ARHGEF10L: variants seen among roughly 807,000 people sequenced by gnomAD.
ARHGEF10L encodes rho guanine nucleotide exchange factor 10-like protein.
A neutral mutation model predicts 141.2 loss-of-function variants in ARHGEF10L; 69 were observed. That is an observed-to-expected ratio of 0.49 (90% CI 0.40 to 0.60). The LOEUF (loss-of-function observed/expected upper bound fraction) is 0.60, where lower values mean the gene tolerates loss of function less well. Ranked by LOEUF, ARHGEF10L falls within the 20% of genes least tolerant of loss-of-function variation. The pLI, the probability that ARHGEF10L is intolerant of heterozygous loss-of-function variation, is 0.00. For missense variants in ARHGEF10L, 1,482 were observed against 1,734.3 expected (o/e 0.85, Z 2.58); for synonymous variants, 711 against 718.5 (o/e 0.99, Z 0.17).
intron 1 of ARHGEF10L, among the ~76,000 whole-genome samples, chr1:17,562,166 G>T (rs1343333257): frequency 2.0e-5 from 3 of 152,222 alleles, no homozygotes; most frequent in Admixed American, 2.0e-4. Context: ...TGTAATCCCA[G>T]CACTTTGGGA....
chr1:17,523,302 T>A, the ARHGEF10L span, among the ~76,000 whole-genome samples: 18 of 152,240 alleles, frequency 1.2e-4, no homozygotes, highest in East Asian at 2.7e-3. Flanking sequence ...TTGGCCAGGC[T>A]GGTCTCGAAC....
intron 26 of ARHGEF10L, among the ~76,000 whole-genome samples, chr1:17,678,565 A>G (rs112846727): frequency 0.028 from 4,208 of 152,052 alleles, 178 homozygotes; most frequent in African/African-American, 0.087. Context: ...GATTACAGGC[A>G]TGCGCCACCA....
At chr1:17,664,856 C>CT (rs1326098309) in intron 26 of ARHGEF10L, among the ~76,000 whole-genome samples, 2 of 152,346 alleles carry the variant, frequency 1.3e-5, no homozygotes, top group African/African-American at 4.8e-5. Context: ...GTGTCGGTTG[C>CT]TGCCTGTGGA....
intron 26 of ARHGEF10L, among the ~76,000 whole-genome samples, chr1:17,667,078 C>G (rs927144959): frequency 6.6e-6 from 1 of 152,216 alleles, no homozygotes; most frequent in Non-Finnish European, 1.5e-5. Flanking sequence ...GACTGCTCTG[C>G]AAGCGGTCTC....
intron 6 of ARHGEF10L, chr1:17,604,919 G>A (rs2081033879): frequency 6.6e-6 from 1 of 152,318 alleles, no homozygotes; most frequent in Non-Finnish European, 1.5e-5. Context: ...CAGGGTCTGG[G>A]AGGATGTGGC....
In ARHGEF10L at chr1:17,602,168, C is replaced by G. The variant is rs1310542605; in HGVS notation, c.299C>G (p.Ala100Gly). 1 of 1,583,716 alleles carries G rather than the reference C, an allele frequency of 6.3e-7. No individual in the cohort carries two copies. The highest frequency in any genetic ancestry group is 2.3e-5 in the East Asian group (1 of 43,160). Residue 100 changes from alanine to glycine, a missense_variant, in exon 5 of 29, where the codon GCC (alanine) becomes GGC (glycine). Around this residue, in one of 3 missense-constraint regions of ARHGEF10L, gnomAD observed 232 missense variants for 225.9 expected, o/e 1.03. Transcript: ENST00000361221. ...WVSNGDAADA[A>G]FSGARHSSWK... is the part of the protein sequence containing the mutation. ...AGCAATGGGGATGCAGCGGACGCAG[C>G]CTTCTCCGGGGCCCGGCACTCCAGC...
intron 3 of ARHGEF10L, 132 bp downstream of exon 3, chr1:17,587,777 G>A: frequency 9.9e-7 from 1 of 1,015,066 alleles, no homozygotes; most frequent in Non-Finnish European, 1.4e-6. Flanking sequence ...AAAAGCCAGT[G>A]GGAAGAAGCT....
At chr1:17,642,183 A>C (rs1358599283) in intron 21 of ARHGEF10L, among the ~76,000 whole-genome samples, 1 of 152,012 alleles carries the variant, frequency 6.6e-6, no homozygotes, top group African/African-American at 2.4e-5. Flanking sequence ...CAAATCTGCA[A>C]GCAGGTGTTA....
the ARHGEF10L span, among the ~76,000 whole-genome samples, chr1:17,531,949 A>T: frequency 6.6e-6 from 1 of 152,168 alleles, no homozygotes; most frequent in Non-Finnish European, 1.5e-5. Context: ...GGCTGCAGCC[A>T]TGGCCAGGCC....
chr1:17,602,360 C>A, intron 5 of ARHGEF10L, 142 bp downstream of exon 5: 3 of 892,646 alleles, frequency 3.4e-6, no homozygotes, highest in Non-Finnish European at 3.4e-6. Context: ...CCTGGAGGAC[C>A]AACCACCGCC....
At chr1:17,630,052 G>A (rs534154884) in intron 15 of ARHGEF10L, among the ~76,000 whole-genome samples, 1 of 152,362 alleles carries the variant, frequency 6.6e-6, no homozygotes, top group Admixed American at 6.5e-5. Flanking sequence ...TTTGCTGGGT[G>A]AGGGTAGGTT....
intron 21 of ARHGEF10L, among the ~76,000 whole-genome samples, chr1:17,647,925 G>A (rs901386541): frequency 6.6e-6 from 1 of 152,182 alleles, no homozygotes; most frequent in Non-Finnish European, 1.5e-5. Flanking sequence ...TTAGGCATCT[G>A]TACTTGTAAC....
intron 16 of ARHGEF10L, 157 bp from the exon 17 acceptor site, chr1:17,634,391 C>A: frequency 8.2e-7 from 1 of 1,217,732 alleles, no homozygotes; most frequent in Non-Finnish European, 1.2e-6. Context: ...CTTCTGTCCA[C>A]ACCTGGCCTC....
At chr1:17,592,234 A>G (rs1176339394) in intron 4 of ARHGEF10L, among the ~76,000 whole-genome samples, 2 of 151,524 alleles carry the variant, frequency 1.3e-5, no homozygotes, top group Non-Finnish European at 2.9e-5. Context: ...AGCCCCATGG[A>G]CTCTGGCCCC....
chr1:17,672,517 G>T (rs1197149537), intron 26 of ARHGEF10L, among the ~76,000 whole-genome samples: 1 of 152,138 alleles, frequency 6.6e-6, no homozygotes, highest in Non-Finnish European at 1.5e-5. Flanking sequence ...AGCATGCAGG[G>T]TCTCGCGTCC....
At chr1:17,672,615 GT>G (rs2063396066) in intron 26 of ARHGEF10L, among the ~76,000 whole-genome samples, 1 of 152,124 alleles carries the variant, frequency 6.6e-6, no homozygotes. Context: ...ACCCTGTTAT[GT>G]TTTTTAAATT....
chr1:17,583,592 G>A (rs181152578), intron 2 of ARHGEF10L, among the ~76,000 whole-genome samples: 10 of 152,202 alleles, frequency 6.6e-5, no homozygotes, highest in African/African-American at 1.4e-4. Flanking sequence ...CAAATAACCC[G>A]ACACTCATCC....
chr1:17,551,002 G>A (rs1373781229), intron 1 of ARHGEF10L, among the ~76,000 whole-genome samples: 2 of 152,006 alleles, frequency 1.3e-5, no homozygotes, highest in Admixed American at 6.5e-5. Flanking sequence ...TCACCTTATC[G>A]AAGCGGAAAG....
At chr1:17,679,100 A>G (rs940504760) in intron 26 of ARHGEF10L, among the ~76,000 whole-genome samples, 3 of 152,210 alleles carry the variant, frequency 2.0e-5, no homozygotes, top group African/African-American at 4.8e-5. Flanking sequence ...GCAGGCTCCC[A>G]TGATGGCCCT....
Sources: allele counts gnomAD v4.1 joint callset (sites outside exome capture counted in the v4.1 genomes callset), GRCh38; gene constraint gnomAD v4.1.1; regional missense constraint gnomAD v4.1.1; transcripts MANE v1.5; gene names NCBI Gene and HGNC (gene_info 2026-07-23, HGNC 2026-07-21).